The following KCNH8 variants were observed in gnomAD, a reference collection of about 807,000 sequenced individuals.
KCNH8 encodes potassium voltage-gated channel subfamily H member 8.
A neutral mutation model predicts 103.6 loss-of-function variants in KCNH8; 70 were observed. The observed-to-expected ratio is 0.68, with a 90% CI of 0.56 to 0.82. The LOEUF (loss-of-function observed/expected upper bound fraction) is 0.82, where lower values mean the gene tolerates loss of function less well. Ranked by LOEUF, KCNH8 falls within the 40% of genes least tolerant of loss-of-function variation. KCNH8 has a pLI of 0.00. For missense variants in KCNH8, 1,217 were observed against 1,329.9 expected (o/e 0.92, Z 1.32); for synonymous variants, 498 against 489.4 (o/e 1.02, Z -0.23).
At chr3:19,155,088 T>C (rs969920466) in intron 1 of KCNH8, among the ~76,000 whole-genome samples, 5 of 152,230 alleles carry the variant, frequency 3.3e-5, no homozygotes, top group African/African-American at 9.6e-5. Flanking sequence ...CCTTTATAGT[T>C]GTTAATACAA....
At chr3:19,435,926 T>A (rs2067192592) in intron 7 of KCNH8, among the ~76,000 whole-genome samples, 1 of 152,154 alleles carries the variant, frequency 6.6e-6, no homozygotes, top group South Asian at 2.1e-4. Flanking sequence ...TGCACACATA[T>A]AAATAGTAAA....
intron 5 of KCNH8, 125 bp downstream of exon 5, chr3:19,348,090 A>T: frequency 8.7e-7 from 1 of 1,146,378 alleles, no homozygotes; most frequent in East Asian, 2.4e-5. Context: ...TCTGTTGCAA[A>T]TTTTGGAGAA....
intron 1 of KCNH8, among the ~76,000 whole-genome samples, chr3:19,199,465 TGACAAAAACTGCTG>T (rs761879158): frequency 1.3e-5 from 2 of 151,862 alleles, no homozygotes; most frequent in Admixed American, 6.6e-5. Flanking sequence ...ATTCTTGTGG[TGACAAAAACTGCTG>T]GACAAAAACT....
intron 11 of KCNH8, among the ~76,000 whole-genome samples, chr3:19,477,074 C>A (rs1301385103): frequency 6.6e-6 from 1 of 152,074 alleles, no homozygotes; most frequent in African/African-American, 2.4e-5. Context: ...TAGTGTTGTG[C>A]AAAGAAAAGT....
chr3:19,299,110 GTGTAGGGA>G (rs1354358638), intron 3 of KCNH8, among the ~76,000 whole-genome samples: 1 of 152,116 alleles, frequency 6.6e-6, no homozygotes, highest in African/African-American at 2.4e-5. Context: ...GTGTCCCTTG[GTGTAGGGA>G]TGTAGGGATG....
chr3:19,390,697 A>C, intron 6 of KCNH8, 59 bp downstream of exon 6: 1 of 1,518,986 alleles, frequency 6.6e-7, no homozygotes, highest in South Asian at 1.2e-5. Flanking sequence ...TCGCATGTTC[A>C]GGTTTTAAAT....
intron 7 of KCNH8, among the ~76,000 whole-genome samples, chr3:19,426,217 T>C (rs2067026577): frequency 6.6e-6 from 1 of 152,114 alleles, no homozygotes; most frequent in South Asian, 2.1e-4. Context: ...GACTTCCCTT[T>C]TCCCATTGTT....
rs180891133 is a variant in KCNH8, at chr3:19,232,790, A to T, written c.77-20864A>T. 1.4e-4 allele frequency among the ~76,000 whole-genome samples: 21 copies of T among 152,330 alleles called. No homozygotes were observed. In the East Asian group the frequency reaches 4.1e-3, roughly 29 times the overall value. On this transcript the variant is annotated intron_variant, in intron 1 of 15. Transcript: ENST00000328405. ...GATGCCCTGTAGCACCTGGGAACAC[A>T]TCCAAATCTCAATTGGCATGGGTCA...
chr3:19,201,513 A>G (rs1372911764), intron 1 of KCNH8, among the ~76,000 whole-genome samples: 2 of 152,096 alleles, frequency 1.3e-5, no homozygotes, highest in Non-Finnish European at 2.9e-5. Flanking sequence ...GTGAGAAAGG[A>G]TCATAGTGAC....
At chr3:19,246,823 G>C (rs1271677012) in intron 1 of KCNH8, among the ~76,000 whole-genome samples, 1 of 152,070 alleles carries the variant, frequency 6.6e-6, no homozygotes, top group African/African-American at 2.4e-5. Flanking sequence ...TGAAACTTAA[G>C]ATTATGAATT....
intron 7 of KCNH8, among the ~76,000 whole-genome samples, chr3:19,406,842 TA>T (rs2066699027): frequency 6.6e-6 from 1 of 152,146 alleles, no homozygotes; most frequent in Non-Finnish European, 1.5e-5. Flanking sequence ...ATTAAGAGTC[TA>T]TCCTGGCCCT....
At chr3:19,259,463 A>C (rs1338338914) in intron 2 of KCNH8, among the ~76,000 whole-genome samples, 1 of 151,844 alleles carries the variant, frequency 6.6e-6, no homozygotes, top group African/African-American at 2.4e-5. Flanking sequence ...AACCCTTCAA[A>C]TAAATATGGA....
At chr3:19,431,715 TG>T (rs1220070460) in intron 7 of KCNH8, among the ~76,000 whole-genome samples, 2 of 151,856 alleles carry the variant, frequency 1.3e-5, no homozygotes, top group Non-Finnish European at 2.9e-5. Context: ...AATTTCTTTC[TG>T]GCTCAACCTT....
chr3:19,500,186 C>A (rs1185281455), intron 11 of KCNH8, among the ~76,000 whole-genome samples: 3 of 152,252 alleles, frequency 2.0e-5, no homozygotes, highest in African/African-American at 7.2e-5. Context: ...TCAAAAGAGA[C>A]AAAGAACGCC....
At position 19,274,030 on chromosome 3, in the gene KCNH8, T is replaced by C. The variant is rs11922681; in HGVS notation, c.311-7168T>C. On this transcript the variant is annotated intron_variant, in intron 2 of 15. Transcript: ENST00000328405. ...ATGTATATAATCGTGTCCTATAGTA[T>C]GTGTAGAAAGGAGAATTAAATTGAC... Among the ~76,000 whole-genome samples, 431 of 152,278 alleles carry C rather than the reference T, an allele frequency of 2.8e-3. 3 individuals are homozygous for C. Among genetic ancestry groups the C allele is most frequent in the African/African-American group, 9.6e-3 (397 of 41,570 alleles).
chr3:19,373,831 A>C (rs1383633176), intron 5 of KCNH8, among the ~76,000 whole-genome samples: 1 of 152,066 alleles, frequency 6.6e-6, no homozygotes, highest in Non-Finnish European at 1.5e-5. Context: ...TTGGTTTCAA[A>C]GAACTTCTTT....
chr3:19,316,877 T>G (rs2065281443), intron 3 of KCNH8, among the ~76,000 whole-genome samples: 1 of 151,956 alleles, frequency 6.6e-6, no homozygotes, highest in Non-Finnish European at 1.5e-5. Flanking sequence ...TCTCTGTCTT[T>G]CCAGCTCCAT....
chr3:19,226,855 G>C (rs935336717), intron 1 of KCNH8, among the ~76,000 whole-genome samples: 1 of 151,972 alleles, frequency 6.6e-6, no homozygotes, highest in African/African-American at 2.4e-5. Context: ...TCAATAACAG[G>C]AAAAAACACC....
chr3:19,515,075 A>G (rs2068851503), intron 13 of KCNH8, among the ~76,000 whole-genome samples: 1 of 151,774 alleles, frequency 6.6e-6, no homozygotes, highest in African/African-American at 2.4e-5. Context: ...CAGTGAAATA[A>G]TTTACATTTT....
Sources: allele counts gnomAD v4.1 joint callset (sites outside exome capture counted in the v4.1 genomes callset), GRCh38; gene constraint gnomAD v4.1.1; transcripts MANE v1.5; gene names NCBI Gene and HGNC (gene_info 2026-07-23, HGNC 2026-07-21).